AGBL2: variants seen among roughly 807,000 people sequenced by gnomAD.
AGBL2 encodes AGBL carboxypeptidase 2, also known as cytosolic carboxypeptidase 2.
AGBL2 carries 87 observed loss-of-function variants against 103.0 expected under a neutral mutation model. The observed-to-expected ratio is 0.84, with a 90% CI of 0.71 to 1.01. The LOEUF (loss-of-function observed/expected upper bound fraction) is 1.01. Among genes scored for constraint, AGBL2 ranks in the 50% least tolerant of loss-of-function variants. The pLI, the probability that AGBL2 is intolerant of heterozygous loss-of-function variation, is 0.00. For missense variants in AGBL2, 904 were observed against 1,023.5 expected (o/e 0.88, Z 1.59); for synonymous variants, 335 against 356.7 (o/e 0.94, Z 0.69).
intron 4 of AGBL2, among the ~76,000 whole-genome samples, chr11:47,706,522 A>T (rs6485772): frequency 0.2 from 30,939 of 151,886 alleles, 3,619 homozygotes; most frequent in East Asian, 0.3. Flanking sequence ...TCTCAAAAAA[A>T]AAATAAATAA....
At chr11:47,677,456 A>T (rs2097380082) in intron 13 of AGBL2, 55 bp from the exon 14 acceptor site, 4 of 1,146,708 alleles carry the variant, frequency 3.5e-6, no homozygotes, top group Non-Finnish European at 4.5e-6. Flanking sequence ...TTATTTATTT[A>T]TTATTATTAT....
At chr11:47,673,037 A>C (rs925216883) in intron 14 of AGBL2, among the ~76,000 whole-genome samples, 1 of 152,158 alleles carries the variant, frequency 6.6e-6, no homozygotes, top group African/African-American at 2.4e-5. Flanking sequence ...TACAGATGAG[A>C]TCCTGAATGC....
At chr11:47,702,892 T>A (rs1435159707) in intron 7 of AGBL2, among the ~76,000 whole-genome samples, 1 of 151,644 alleles carries the variant, frequency 6.6e-6, no homozygotes, top group Non-Finnish European at 1.5e-5. Flanking sequence ...AAAAGGAACA[T>A]CCAGTTGTTT....
chr11:47,673,908 T>C (rs554863488), intron 14 of AGBL2, among the ~76,000 whole-genome samples: 12 of 150,668 alleles, frequency 8.0e-5, no homozygotes, highest in Non-Finnish European at 1.6e-4. Flanking sequence ...GTGACCAGCC[T>C]GGCCAACATG....
At position 47,679,998 on chromosome 11, in the gene AGBL2, T is replaced by C; in HGVS notation, c.1991A>G (p.Asp664Gly). Residue 664 changes from aspartate (D) to glycine (G), a missense_variant, in exon 13 of 19, where the codon GAC becomes GGC. Asp to Gly is a moderately conservative substitution (Grantham distance 94). Transcript: ENST00000525123. Reference protein sequence around the residue: ...LGYHVCDTLLDFCDPDQMKFT... With the variant: ...LGYHVCDTLLGFCDPDQMKFT... ...CTTCATTTGGTCAGGATCACAAAAG[T>C]CCAGAAGGGTGTCACAGACATGATA... 1 of 1,611,832 alleles carries C rather than the reference T, an allele frequency of 6.2e-7. No individual in the cohort carries two copies. The highest frequency in any genetic ancestry group is 1.1e-5 in the South Asian group (1 of 90,964).
intron 17 of AGBL2, among the ~76,000 whole-genome samples, chr11:47,664,443 G>T (rs543676347): frequency 6.8e-6 from 1 of 147,072 alleles, no homozygotes; most frequent in African/African-American, 2.5e-5. Flanking sequence ...ACGGGGTTTC[G>T]CTCTATTGCC....
At position 47,690,071 on chromosome 11, in the gene AGBL2, C is replaced by A; in HGVS notation, c.1631+5G>T. The A allele has an allele frequency of 6.3e-7, 1 of 1,595,570 alleles. No individual in the cohort carries two copies. The highest frequency in any genetic ancestry group is 1.1e-5 in the South Asian group (1 of 87,652). On this transcript the variant is annotated splice_donor_5th_base_variant and intron_variant, in intron 10 of 18. Transcript: ENST00000525123. ...ACAGAAAGATCAACAGATAAAAAGT[C>A]TCACCTTTTGATCATGTTCCTGGTG... is the stretch of plus-strand genomic sequence containing the variant.
intron 8 of AGBL2, 25 bp from the exon 9 acceptor site, chr11:47,692,281 C>T: frequency 6.2e-7 from 1 of 1,609,600 alleles, no homozygotes; most frequent in Non-Finnish European, 8.5e-7. Context: ...TATATTTAGG[C>T]TAGGTTCTAC....
intron 13 of AGBL2, 66 bp downstream of exon 13, chr11:47,679,907 G>A: frequency 9.5e-7 from 1 of 1,052,056 alleles, no homozygotes; most frequent in Non-Finnish European, 1.5e-6. Context: ...CTCCCAAAGT[G>A]CTAGGATTAC....
chr11:47,704,868 T>C (rs1414893490), intron 6 of AGBL2, 140 bp from the exon 7 acceptor site: 4 of 659,548 alleles, frequency 6.1e-6, no homozygotes, highest in Non-Finnish European at 9.8e-6. Flanking sequence ...ATGTTTCTCC[T>C]TCAAGAAGAT....
At chr11:47,696,018 A>G (rs1198409321) in intron 8 of AGBL2, among the ~76,000 whole-genome samples, 4 of 29,748 alleles carry the variant, frequency 1.3e-4, no homozygotes, top group Non-Finnish European at 1.8e-4. Context: ...TACAAAAAAA[A>G]AAAAAAAAAA....
At position 47,681,999 on chromosome 11, in the gene AGBL2, T is replaced by C; in HGVS notation, c.1885A>G (p.Met629Val). The change falls in exon 12 of 19, where the codon ATG (methionine) becomes GTG (valine). Residue 629 changes from methionine (M) to valine (V), a missense_variant. Coordinates refer to ENST00000525123, the MANE Select transcript of AGBL2 (RefSeq NM_024783.4). ...WRMGILNSYTMESTFGGSTLG... is the reference protein window; with the variant it reads ...WRMGILNSYTVESTFGGSTLG... Reference sequence around the variant, plus strand: ...GTGGACCCGCCAAAGGTAGACTCCATGGTGTAGCTGTTTAGGATTCCCATC... The same window carrying C: ...GTGGACCCGCCAAAGGTAGACTCCACGGTGTAGCTGTTTAGGATTCCCATC... 1.2e-6 allele frequency: 2 copies of C among 1,614,116 alleles called. No homozygotes were observed. Among genetic ancestry groups the C allele is most frequent in the Non-Finnish European group, 1.7e-6 (2 of 1,179,998 alleles).
At position 47,688,123 on chromosome 11, in the gene AGBL2, G is replaced by A. The variant is rs1005072519; in HGVS notation, c.1631+1953C>T. On this transcript the variant is annotated intron_variant, in intron 10 of 18. Coordinates refer to ENST00000525123, the MANE Select transcript of AGBL2 (RefSeq NM_024783.4). ...ACGCCTGGCCAGATATTTCTTTATA[G>A]CAATGCAAATACAACCTAATACACG... Among the ~76,000 whole-genome samples the A allele has an allele frequency of 2.0e-4, 31 of 151,812 alleles. No homozygotes were observed. In the Admixed American group the frequency reaches 2.0e-3, roughly 10 times the overall value.
chr11:47,680,149 C>T, intron 12 of AGBL2, 76 bp from the exon 13 acceptor site: 1 of 1,023,702 alleles, frequency 9.8e-7, no homozygotes, highest in Non-Finnish European at 1.4e-6. Flanking sequence ...TTATGATTAT[C>T]TTTTTAAAAA....
intron 18 of AGBL2, 26 bp downstream of exon 18, chr11:47,663,000 T>C (rs1481197815): frequency 4.0e-6 from 6 of 1,500,462 alleles, no homozygotes; most frequent in Non-Finnish European, 5.5e-6. Flanking sequence ...GGCATATAAG[T>C]ATATACAGTA....
intron 3 of AGBL2, among the ~76,000 whole-genome samples, chr11:47,712,041 C>A (rs1224996076): frequency 6.6e-6 from 1 of 152,058 alleles, no homozygotes; most frequent in Non-Finnish European, 1.5e-5. Flanking sequence ...ACATTGCACT[C>A]CGGCCAAGGC....
intron 14 of AGBL2, among the ~76,000 whole-genome samples, chr11:47,670,876 T>A (rs1011066633): frequency 6.6e-6 from 1 of 151,850 alleles, no homozygotes; most frequent in Non-Finnish European, 1.5e-5. Flanking sequence ...ACGCCTATAG[T>A]CCCAGCTACT....
intron 14 of AGBL2, among the ~76,000 whole-genome samples, chr11:47,676,813 CAAAAAAAAAAAA>C (rs566335901): frequency 1.4e-5 from 1 of 69,818 alleles, no homozygotes; most frequent in East Asian, 3.9e-4. Flanking sequence ...GCCTCCATCT[CAAAAAAAAAAAA>C]AAAAAAAAAG....
At chr11:47,703,664 TC>T (rs2097506409) in intron 7 of AGBL2, among the ~76,000 whole-genome samples, 1 of 149,558 alleles carries the variant, frequency 6.7e-6, no homozygotes, top group African/African-American at 2.5e-5. Context: ...GTGGCTCACA[TC>T]TGTAATCCCA....
Sources: allele counts gnomAD v4.1 joint callset (sites outside exome capture counted in the v4.1 genomes callset), GRCh38; gene constraint gnomAD v4.1.1; transcripts MANE v1.5; gene names NCBI Gene and HGNC (gene_info 2026-07-23, HGNC 2026-07-21).